RIMS1: variants seen among roughly 807,000 people sequenced by gnomAD.
The protein encoded by RIMS1 is regulating synaptic membrane exocytosis protein 1.
A neutral mutation model predicts 214.1 loss-of-function variants in RIMS1; 83 were observed. The ratio of observed to expected loss-of-function variants is 0.39; its 90% CI spans 0.32 to 0.47. The LOEUF (loss-of-function observed/expected upper bound fraction) is 0.47. RIMS1 is among the 20% of genes least tolerant of loss of function. The pLI is 0.99. For synonymous variants in RIMS1, 793 were observed against 786.8 expected (o/e 1.01, Z -0.13); for missense variants, 2,050 against 2,161.8 (o/e 0.95, Z 1.03).
chr6:72,306,307 AAGTTG>A (rs201450712), intron 26 of RIMS1, among the ~76,000 whole-genome samples: 2,255 of 152,194 alleles, frequency 0.015, 54 homozygotes, highest in African/African-American at 0.051. Flanking sequence ...CTTGTTGCAG[AAGTTG>A]AGTTGTCTGG....
chr6:72,075,346 G>A (rs1315618466), intron 2 of RIMS1, among the ~76,000 whole-genome samples: 1 of 152,102 alleles, frequency 6.6e-6, no homozygotes, highest in African/African-American at 2.4e-5. Flanking sequence ...GGGCTCAAAC[G>A]ATCCTCCTGC....
At chr6:71,907,322 G>A (rs1336945589) in intron 1 of RIMS1, among the ~76,000 whole-genome samples, 3 of 152,084 alleles carry the variant, frequency 2.0e-5, no homozygotes, top group Admixed American at 6.6e-5. Context: ...CCTATCTTGA[G>A]TTTTTAGCAT....
At chr6:72,034,929 G>C (rs1260827326) in intron 2 of RIMS1, among the ~76,000 whole-genome samples, 1 of 152,102 alleles carries the variant, frequency 6.6e-6, no homozygotes, top group Non-Finnish European at 1.5e-5. Flanking sequence ...ACTTTGAAAT[G>C]CTTCTGTTTG....
intron 15 of RIMS1, among the ~76,000 whole-genome samples, chr6:72,252,429 AG>A (rs2073832109): frequency 6.6e-6 from 1 of 152,186 alleles, no homozygotes. Context: ...TGCAGAGGAA[AG>A]CACTTAATTG....
chr6:72,242,668 AT>A (rs199508053), intron 10 of RIMS1, among the ~76,000 whole-genome samples: 1,705 of 151,984 alleles, frequency 0.011, 32 homozygotes, highest in African/African-American at 0.039. Flanking sequence ...ATATCAAAAA[AT>A]ATCAATATGT....
chr6:72,090,622 CA>C (rs2153792519), intron 2 of RIMS1, among the ~76,000 whole-genome samples: 1 of 152,104 alleles, frequency 6.6e-6, no homozygotes, highest in East Asian at 1.9e-4. Flanking sequence ...GTTGTGGGGA[CA>C]ACAAAGAGTT....
chr6:71,972,830 C>A (rs537327249), intron 2 of RIMS1, among the ~76,000 whole-genome samples: 2 of 152,116 alleles, frequency 1.3e-5, no homozygotes, highest in African/African-American at 2.4e-5. Flanking sequence ...TACTAAAATG[C>A]GTTTAAAAAG....
chr6:72,342,749 C>T (rs1002647993), intron 29 of RIMS1, among the ~76,000 whole-genome samples: 6 of 151,200 alleles, frequency 4.0e-5, no homozygotes, highest in East Asian at 2.0e-4. Flanking sequence ...AAAGATGATA[C>T]GAATAATTTT....
intron 1 of RIMS1, among the ~76,000 whole-genome samples, chr6:71,887,633 G>A (rs1230720964): frequency 6.6e-6 from 1 of 152,126 alleles, no homozygotes; most frequent in Non-Finnish European, 1.5e-5. Flanking sequence ...TGTTTAGCTG[G>A]TCGGGGTTAC....
chr6:72,043,116 C>A (rs936774597), intron 2 of RIMS1, among the ~76,000 whole-genome samples: 12 of 151,042 alleles, frequency 7.9e-5, no homozygotes, highest in African/African-American at 2.9e-4. Context: ...TTATCTTAGA[C>A]TCTGTGCTGT....
At chr6:72,119,707 G>A (rs763656134) in intron 4 of RIMS1, among the ~76,000 whole-genome samples, 3 of 151,622 alleles carry the variant, frequency 2.0e-5, no homozygotes, top group Admixed American at 2.0e-4. Context: ...ACAATGTGCA[G>A]GTTTGTTACA....
intron 19 of RIMS1, among the ~76,000 whole-genome samples, chr6:72,264,379 C>A (rs2079453300): frequency 6.6e-6 from 1 of 152,096 alleles, no homozygotes; most frequent in African/African-American, 2.4e-5. Context: ...CTATCTTACC[C>A]TACTTCCAAA....
chr6:71,917,920 A>G (rs1256155306), intron 1 of RIMS1, among the ~76,000 whole-genome samples: 2 of 152,186 alleles, frequency 1.3e-5, no homozygotes, highest in Non-Finnish European at 2.9e-5. Flanking sequence ...CTGGATGACT[A>G]AGGTACCATT....
chr6:72,344,366 G>C (rs2097192186), intron 29 of RIMS1, among the ~76,000 whole-genome samples: 1 of 151,742 alleles, frequency 6.6e-6, no homozygotes, highest in South Asian at 2.1e-4. Flanking sequence ...GGAAGGCTAA[G>C]GTGGTGTCTT....
intron 1 of RIMS1, among the ~76,000 whole-genome samples, chr6:71,894,478 T>C (rs1771019268): frequency 6.6e-6 from 1 of 152,124 alleles, no homozygotes; most frequent in African/African-American, 2.4e-5. Flanking sequence ...TTCTCTTTTA[T>C]GGAATCTCAA....
chr6:72,088,223 T>TTATTTATG (rs1188287085), intron 2 of RIMS1, among the ~76,000 whole-genome samples: 2 of 82,340 alleles, frequency 2.4e-5, no homozygotes, highest in Non-Finnish European at 5.9e-5. Flanking sequence ...TTTACTTTAT[T>TTATTTATG]TATTTATTTA....
rs537402847 is a variant in RIMS1, at chr6:72,114,196, A to C, written c.471+14210A>C. On this transcript the variant is annotated intron_variant, in intron 4 of 33. Coordinates refer to ENST00000521978, the MANE Select transcript of RIMS1 (RefSeq NM_014989.7). ...TTGACACAATGTAGTAAATGTAAGTAAGTCAAAAATATACTTTTATAATTT... is the reference window on the plus strand; with the variant it reads ...TTGACACAATGTAGTAAATGTAAGTCAGTCAAAAATATACTTTTATAATTT... 9.9e-5 allele frequency among the ~76,000 whole-genome samples: 15 copies of C among 152,192 alleles called. No individual in the cohort carries two copies. In the South Asian group the frequency reaches 2.1e-3, roughly 21 times the overall value.
At chr6:71,976,475 T>C (rs961039431) in intron 2 of RIMS1, among the ~76,000 whole-genome samples, 1 of 152,184 alleles carries the variant, frequency 6.6e-6, no homozygotes, top group Admixed American at 6.5e-5. Context: ...ATAAGTGTTC[T>C]TCACATGTAA....
At chr6:72,264,869 A>T (rs2079703790) in intron 19 of RIMS1, 106 bp from the exon 20 acceptor site, 2 of 624,980 alleles carry the variant, frequency 3.2e-6, no homozygotes, top group East Asian at 6.6e-5. Context: ...ATGACCAAAG[A>T]TTTATCTATA....
Sources: gnomAD v4.1 joint callset for allele counts (sites outside exome capture counted in the v4.1 genomes callset) on GRCh38, gnomAD v4.1.1 for gene constraint, MANE v1.5 for transcripts, NCBI Gene and HGNC (gene_info 2026-07-23, HGNC 2026-07-21) for gene names.